The following KLF7 variants were observed in gnomAD, a reference collection of about 807,000 sequenced individuals.
The protein encoded by KLF7 is Krueppel-like factor 7.
KLF7 carries 2 observed loss-of-function variants against 27.3 expected under a neutral mutation model. That is an observed-to-expected ratio of 0.07 (90% CI 0.03 to 0.23). The LOEUF is 0.23. KLF7 is among the 10% of genes least tolerant of loss of function. The probability of loss-of-function intolerance (pLI) is 1.00; values close to 1 mark genes in which losing one functional copy is unlikely to be tolerated. For synonymous variants in KLF7, 165 were observed against 162.4 expected (o/e 1.02, Z -0.12); for missense variants, 221 against 394.1 (o/e 0.56, Z 3.72).
At chr2:207,114,163 T>C (rs780698172) in intron 2 of KLF7, among the ~76,000 whole-genome samples, 1 of 152,262 alleles carries the variant, frequency 6.6e-6, no homozygotes, top group African/African-American at 2.4e-5. Flanking sequence ...TTTATTCATA[T>C]TGATTTTCTG....
At chr2:207,111,152 C>A (rs1282296539) in intron 2 of KLF7, among the ~76,000 whole-genome samples, 1 of 152,222 alleles carries the variant, frequency 6.6e-6, no homozygotes, top group African/African-American at 2.4e-5. Context: ...CTAATGATCT[C>A]ACATTTTGGG....
At chr2:207,089,453 CT>C (rs969756478) in intron 2 of KLF7, among the ~76,000 whole-genome samples, 13 of 152,018 alleles carry the variant, frequency 8.6e-5, no homozygotes, top group Admixed American at 2.6e-4. Flanking sequence ...TGCCTTAGAC[CT>C]TTTTTTTAAC....
chr2:207,122,947 C>T (rs992895289), intron 2 of KLF7, among the ~76,000 whole-genome samples: 1 of 150,552 alleles, frequency 6.6e-6, no homozygotes, highest in Admixed American at 6.7e-5. Context: ...AAGCTCCAAT[C>T]TCAAAGCAGA....
intron 3 of KLF7, among the ~76,000 whole-genome samples, chr2:207,083,958 C>T (rs1028739327): frequency 2.0e-5 from 3 of 152,196 alleles, no homozygotes; most frequent in African/African-American, 4.8e-5. Flanking sequence ...AACAAAAATG[C>T]AGCTCTGCCA....
intron 1 of KLF7, among the ~76,000 whole-genome samples, chr2:207,141,098 A>C (rs1278335628): frequency 2.0e-5 from 3 of 152,066 alleles, no homozygotes; most frequent in Non-Finnish European, 4.4e-5. Context: ...TATAAAATGG[A>C]CTATATATAT....
At chr2:207,099,910 A>C (rs1331016259) in intron 2 of KLF7, among the ~76,000 whole-genome samples, 4 of 152,156 alleles carry the variant, frequency 2.6e-5, no homozygotes, top group Non-Finnish European at 5.9e-5. Context: ...CAGGCAGATC[A>C]CCTGAGCCCA....
chr2:207,131,314 T>A (rs2077627828), intron 1 of KLF7, among the ~76,000 whole-genome samples: 1 of 152,254 alleles, frequency 6.6e-6, no homozygotes, highest in South Asian at 2.1e-4. Context: ...ATTTATTGTG[T>A]GGTTTTTGTC....
At chr2:207,149,350 T>C (rs1454285618) in intron 1 of KLF7, 2 of 329,006 alleles carry the variant, frequency 6.1e-6, no homozygotes, top group Admixed American at 4.1e-5. Context: ...GGTGCCAGAC[T>C]AACATAGAGA....
At chr2:207,108,933 A>G (rs1246906968) in intron 2 of KLF7, among the ~76,000 whole-genome samples, 1 of 152,244 alleles carries the variant, frequency 6.6e-6, no homozygotes, top group Non-Finnish European at 1.5e-5. Flanking sequence ...AGAGGAGCAT[A>G]CAACTCATAC....
intron 1 of KLF7, among the ~76,000 whole-genome samples, chr2:207,130,638 G>C (rs2077605649): frequency 6.6e-6 from 1 of 152,176 alleles, no homozygotes. Flanking sequence ...ACCATGTTTA[G>C]TTGGGGCAGA....
chr2:207,150,331 T>C (rs2078207452), intron 1 of KLF7, among the ~76,000 whole-genome samples: 1 of 152,180 alleles, frequency 6.6e-6, no homozygotes, highest in African/African-American at 2.4e-5. Context: ...TACGTCCCCA[T>C]TTAGACAACC....
At chr2:207,099,755 A>G (rs2076720351) in intron 2 of KLF7, among the ~76,000 whole-genome samples, 1 of 151,826 alleles carries the variant, frequency 6.6e-6, no homozygotes, top group Non-Finnish European at 1.5e-5. Flanking sequence ...ATGGTAGAGA[A>G]GTAGCTTAAG....
intron 3 of KLF7, among the ~76,000 whole-genome samples, chr2:207,083,175 T>TC (rs969940886): frequency 3.9e-5 from 6 of 152,172 alleles, no homozygotes; most frequent in African/African-American, 1.2e-4. Flanking sequence ...AAACTAGTAC[T>TC]CCATGTCACT....
chr2:207,115,277 TC>T (rs1054234604), intron 2 of KLF7, among the ~76,000 whole-genome samples: 2 of 152,032 alleles, frequency 1.3e-5, no homozygotes, highest in African/African-American at 4.8e-5. Context: ...TGATCTTTCC[TC>T]CCCTACAAGA....
At chr2:207,096,756 T>A (rs1349375857) in intron 2 of KLF7, among the ~76,000 whole-genome samples, 3 of 152,238 alleles carry the variant, frequency 2.0e-5, no homozygotes, top group Non-Finnish European at 4.4e-5. Context: ...TTCGCCACTT[T>A]ATCCACAGTG....
intron 1 of KLF7, among the ~76,000 whole-genome samples, chr2:207,142,051 T>C (rs2077957523): frequency 1.3e-5 from 2 of 151,948 alleles, no homozygotes; most frequent in South Asian, 2.1e-4. Flanking sequence ...GAAGGCACCA[T>C]GAAATGTCAA....
chr2:207,083,281 G>A (rs1296751838), intron 3 of KLF7, among the ~76,000 whole-genome samples: 2 of 152,092 alleles, frequency 1.3e-5, no homozygotes, highest in African/African-American at 4.8e-5. Context: ...CCCACTGCCT[G>A]TTCTCTTTCC....
At chr2:207,134,888 G>A (rs943709003) in intron 1 of KLF7, among the ~76,000 whole-genome samples, 6 of 152,186 alleles carry the variant, frequency 3.9e-5, no homozygotes, top group African/African-American at 1.4e-4. Context: ...CATTGTGAGA[G>A]TTCAATCAAT....
Position 207,075,049 on chromosome 2 carries a change from TC to T in KLF7, c.*6163del, listed in dbSNP as rs199802217. The T allele has an allele frequency of 3.5e-4, 54 of 152,284 alleles. No homozygotes were observed. Among genetic ancestry groups the T allele is most frequent in the African/African-American group, 1.3e-3 (54 of 41,558 alleles). The allele number at this position is 152,284 out of a possible 1,614,324, so 9.4% of individuals were successfully genotyped here. On this transcript the variant is annotated 3_prime_UTR_variant, in exon 4 of 4. Coordinates refer to ENST00000309446, the MANE Select transcript of KLF7 (RefSeq NM_003709.4). Reference sequence around the variant, plus strand: ...CACTTGCGTCTTTCGAAGATTTTTTTCCCCAGTGAAACAAGCTAAGGAGAAA... The same window carrying T: ...CACTTGCGTCTTTCGAAGATTTTTTTCCCAGTGAAACAAGCTAAGGAGAAA...
Sources: gnomAD v4.1 joint callset for allele counts (sites outside exome capture counted in the v4.1 genomes callset) on GRCh38, gnomAD v4.1.1 for gene constraint, MANE v1.5 for transcripts, NCBI Gene and HGNC (gene_info 2026-07-23, HGNC 2026-07-21) for gene names.